SNX18: variants seen among roughly 807,000 people sequenced by gnomAD.
SNX18 encodes the protein sorting nexin-18.
In SNX18, 35 loss-of-function variants were observed where a neutral mutation model predicts 48.7. The ratio of observed to expected loss-of-function variants is 0.72; its 90% CI spans 0.55 to 0.95. The LOEUF (loss-of-function observed/expected upper bound fraction) is 0.95, where lower values mean the gene tolerates loss of function less well. Among genes scored for constraint, SNX18 ranks in the 40% least tolerant of loss-of-function variants. The probability of loss-of-function intolerance (pLI) is 0.00; values close to 1 mark genes in which losing one functional copy is unlikely to be tolerated. For synonymous variants in SNX18, 492 were observed against 384.7 expected, an observed-to-expected ratio of 1.28 and a Z score of -3.26; for missense variants, 824 against 871.0, an observed-to-expected ratio of 0.95 and a Z score of 0.68.
intron 1 of SNX18, chr5:54,520,097 A>G: frequency 2.5e-6 from 1 of 398,444 alleles, no homozygotes; most frequent in Non-Finnish European, 4.7e-6. Context: ...AATTCCTGCA[A>G]AGAATTCTTG....
In SNX18 at chr5:54,546,096, A is replaced by G. The variant is rs1486774634; in HGVS notation, c.*2664A>G. 6.6e-6 allele frequency: 1 copy of G among 152,220 alleles called. No individual in the cohort carries two copies. The highest frequency in any genetic ancestry group is 1.5e-5 in the Non-Finnish European group (1 of 68,038). The allele number at this position is 152,220 out of a possible 1,614,324, so 9.4% of individuals were successfully genotyped here. A position where few individuals can be genotyped will look rare whatever the true frequency, so the allele number is the denominator to read the frequency against. On this transcript the variant is annotated 3_prime_UTR_variant, in exon 2 of 2. Coordinates refer to ENST00000381410, the MANE Select transcript of SNX18 (RefSeq NM_001102575.2). Reference sequence around the variant, plus strand: ...GTTTGCACCCAGGATGAGGGAACGCATTCAAAAGTGAAATGTAAAGCCAGT... The same window carrying G: ...GTTTGCACCCAGGATGAGGGAACGCGTTCAAAAGTGAAATGTAAAGCCAGT...
the SNX18 span, among the ~76,000 whole-genome samples, chr5:54,562,570 G>T: frequency 6.6e-6 from 1 of 152,216 alleles, no homozygotes; most frequent in East Asian, 1.9e-4. Flanking sequence ...AGCACAACGC[G>T]TTTCTCCTGT....
At chr5:54,554,748 T>A in the SNX18 span, among the ~76,000 whole-genome samples, 1 of 152,202 alleles carries the variant, frequency 6.6e-6, no homozygotes, top group Non-Finnish European at 1.5e-5. Flanking sequence ...ATCATGCCTT[T>A]AAAAAACCAG....
the SNX18 span, among the ~76,000 whole-genome samples, chr5:54,576,437 T>G: frequency 6.6e-6 from 1 of 152,196 alleles, no homozygotes; most frequent in Non-Finnish European, 1.5e-5. Flanking sequence ...CCAATGGGAA[T>G]GAAGCACCTG....
intron 1 of SNX18, 40 bp downstream of exon 1, chr5:54,519,613 T>A: frequency 6.2e-7 from 1 of 1,614,182 alleles, no homozygotes; most frequent in South Asian, 1.1e-5. Flanking sequence ...TGGAGTGTAT[T>A]GTGCAGGCTG....
At chr5:54,605,597 A>G in the SNX18 span, among the ~76,000 whole-genome samples, 1 of 152,186 alleles carries the variant, frequency 6.6e-6, no homozygotes, top group African/African-American at 2.4e-5. Context: ...AGATATCCAG[A>G]ATAGTATTAT....
chr5:54,604,118 G>C, the SNX18 span, among the ~76,000 whole-genome samples: 16 of 152,206 alleles, frequency 1.1e-4, no homozygotes, highest in Non-Finnish European at 1.8e-4. Context: ...TCCTAGTAGA[G>C]CAGACAAACA....
chr5:54,637,995 G>C, the SNX18 span, among the ~76,000 whole-genome samples: 1 of 152,104 alleles, frequency 6.6e-6, no homozygotes, highest in Non-Finnish European at 1.5e-5. Flanking sequence ...TGGAGAGAGA[G>C]AGAGAGAGAG....
At chr5:54,585,804 C>T in the SNX18 span, among the ~76,000 whole-genome samples, 1 of 151,916 alleles carries the variant, frequency 6.6e-6, no homozygotes, top group African/African-American at 2.4e-5. Context: ...GAGATCGAGA[C>T]CATCCTGGCT....
chr5:54,603,202 G>A, the SNX18 span, among the ~76,000 whole-genome samples: 551 of 149,824 alleles, frequency 3.7e-3, no homozygotes, highest in Middle Eastern at 0.01. Flanking sequence ...AGAATTATCA[G>A]GATCAAAGTT....
At chr5:54,555,109 C>T in the SNX18 span, among the ~76,000 whole-genome samples, 1 of 152,216 alleles carries the variant, frequency 6.6e-6, no homozygotes, top group African/African-American at 2.4e-5. Context: ...GTTCAGCCTT[C>T]CAAGTCTTCT....
chr5:54,558,536 T>C, the SNX18 span, among the ~76,000 whole-genome samples: 10 of 152,184 alleles, frequency 6.6e-5, no homozygotes, highest in Non-Finnish European at 1.2e-4. Context: ...CTGTAAGGGA[T>C]TGGACAAAGG....
At chr5:54,593,463 A>G in the SNX18 span, among the ~76,000 whole-genome samples, 45 of 152,340 alleles carry the variant, frequency 3.0e-4, 1 homozygote, top group African/African-American at 1.1e-3. Context: ...TTAAGACATT[A>G]ATTATCCACA....
the SNX18 span, among the ~76,000 whole-genome samples, chr5:54,616,718 A>T: frequency 2.0e-5 from 3 of 152,292 alleles, no homozygotes; most frequent in African/African-American, 7.2e-5. Flanking sequence ...GCAGTAAGCC[A>T]AGATCATGCC....
intron 1 of SNX18, among the ~76,000 whole-genome samples, chr5:54,521,831 G>T (rs1377962156): frequency 6.6e-6 from 1 of 152,166 alleles, no homozygotes; most frequent in Non-Finnish European, 1.5e-5. Context: ...GCCTCCCGAA[G>T]TGCTGGGATT....
the SNX18 span, among the ~76,000 whole-genome samples, chr5:54,556,695 C>G: frequency 6.6e-6 from 1 of 152,116 alleles, no homozygotes; most frequent in East Asian, 1.9e-4. Flanking sequence ...ATGCAGCTTA[C>G]TGCAGTCCCA....
intron 1 of SNX18, chr5:54,519,845 G>A (rs1439389821): frequency 6.3e-7 from 1 of 1,583,726 alleles, no homozygotes; most frequent in South Asian, 1.1e-5. Flanking sequence ...TTTAGAGTTT[G>A]AATAGTTGAG....
At chr5:54,636,587 C>T in the SNX18 span, among the ~76,000 whole-genome samples, 1 of 152,148 alleles carries the variant, frequency 6.6e-6, no homozygotes, top group Non-Finnish European at 1.5e-5. Context: ...CCCTACTCTG[C>T]TTTTTGCCCC....
the SNX18 span, among the ~76,000 whole-genome samples, chr5:54,637,094 C>G: frequency 6.6e-6 from 1 of 152,088 alleles, no homozygotes; most frequent in Non-Finnish European, 1.5e-5. Flanking sequence ...CAGTGTGGAA[C>G]AGTGGATGTG....
Sources: gnomAD v4.1 joint callset for allele counts (sites outside exome capture counted in the v4.1 genomes callset) on GRCh38, gnomAD v4.1.1 for gene constraint, MANE v1.5 for transcripts, NCBI Gene and HGNC (gene_info 2026-07-23, HGNC 2026-07-21) for gene names.